HOOK2: variants seen among roughly 807,000 people sequenced by gnomAD.
HOOK2 encodes hook microtubule tethering protein 2, also known as protein Hook homolog 2.
Under a neutral mutation model 111.9 loss-of-function variants are expected in HOOK2, and 108 were observed. The observed-to-expected ratio is 0.96, with a 90% confidence interval of 0.83 to 1.13. The LOEUF is 1.13. Among genes scored for constraint, HOOK2 ranks in the 50% most tolerant of loss-of-function variants. HOOK2 has a pLI of 0.00. For synonymous variants in HOOK2, 405 were observed against 394.3 expected (o/e 1.03, Z -0.32); for missense variants, 978 against 951.3 (o/e 1.03, Z -0.37).
upstream of HOOK2, among the ~76,000 whole-genome samples, chr19:12,782,218 GCT>G (rs903627529): frequency 6.6e-6 from 1 of 152,180 alleles, no homozygotes; most frequent in African/African-American, 2.4e-5. Flanking sequence ...TATGAATATG[GCT>G]CTGTTTGCGT....
chr19:12,788,057 A>AAAAC (rs542096751), intron 3 of HOOK2, among the ~76,000 whole-genome samples: 94 of 152,272 alleles, frequency 6.2e-4, no homozygotes, highest in African/African-American at 1.7e-3. Context: ...TCCATCTCAA[A>AAAAC]AAACAAACAA....
intron 3 of HOOK2, among the ~76,000 whole-genome samples, chr19:12,789,241 C>T (rs1968683352): frequency 6.6e-6 from 1 of 151,728 alleles, no homozygotes; most frequent in Non-Finnish European, 1.5e-5. Flanking sequence ...CACTAGGCTT[C>T]TCACCTCTTG....
chr19:12,784,796 C>G (rs1004705022), intron 3 of HOOK2: 1 of 152,076 alleles, frequency 6.6e-6, no homozygotes, highest in Admixed American at 6.6e-5. Context: ...CACACACACC[C>G]CAGATCTCCA....
rs962596296 is a variant in HOOK2 at position 12,769,894 on chromosome 19, G to A, written c.1091C>T (p.Ala364Val). The A allele has an allele frequency of 2.7e-6, 4 of 1,478,978 alleles. No individual in the cohort carries two copies. Among genetic ancestry groups the A allele is most frequent in the Middle Eastern group, 2.4e-4 (1 of 4,180 alleles). 91.6% of individuals were successfully genotyped at this position (1,478,978 alleles called of 1,614,324 possible). Residue 364 changes from alanine to valine, a missense_variant, in exon 11 of 23, where the codon GCG becomes GTG. By Grantham distance (64) the Ala-to-Val change is moderately conservative. Around this residue, in one of 5 missense-constraint regions of HOOK2, gnomAD observed 388 missense variants for 358.3 expected, o/e 1.08. Coordinates refer to ENST00000397668, the MANE Select transcript of HOOK2 (RefSeq NM_013312.3). ...CCCCCGCCGCACCTGCCGCCGCTGC[G>A]CCTCCAGCTGGGCGCGCAGGGAGCC... Reference protein sequence around the residue: ...RAGSLRAQLEAQRRQVQELQG... With the variant: ...RAGSLRAQLEVQRRQVQELQG...
chr19:12,771,981 G>A, intron 7 of HOOK2: 2 of 573,006 alleles, frequency 3.5e-6, no homozygotes, highest in Non-Finnish European at 6.3e-6. Flanking sequence ...CCTGGTACAG[G>A]AAGTGGCTAG....
intron 11 of HOOK2, among the ~76,000 whole-genome samples, chr19:12,769,111 G>A (rs183719858): frequency 6.6e-6 from 1 of 151,830 alleles, no homozygotes; most frequent in Admixed American, 6.6e-5. Flanking sequence ...GACTACAGGC[G>A]CCCACCACCA....
At chr19:12,765,478 T>C (rs1489269132) in intron 18 of HOOK2, 2 of 645,116 alleles carry the variant, frequency 3.1e-6, no homozygotes, top group Non-Finnish European at 5.5e-6. Flanking sequence ...CCAGGCGCGG[T>C]GGCTCATGCC....
At chr19:12,788,994 C>A (rs917048841) in intron 3 of HOOK2, among the ~76,000 whole-genome samples, 1 of 151,778 alleles carries the variant, frequency 6.6e-6, no homozygotes, top group African/African-American at 2.4e-5. Context: ...TGCTGGACTT[C>A]CCCCTGCCCC....
chr19:12,783,312 C>CA (rs983911822), upstream of HOOK2, among the ~76,000 whole-genome samples: 4 of 150,950 alleles, frequency 2.6e-5, no homozygotes, highest in Non-Finnish European at 5.9e-5. Context: ...AGGCGCCCCC[C>CA]CCAACTCCGC....
At chr19:12,776,504 A>C (rs1257325770), upstream of HOOK2, among the ~76,000 whole-genome samples, 6 of 151,140 alleles carry the variant, frequency 4.0e-5, no homozygotes, top group African/African-American at 1.5e-4. Flanking sequence ...ACATGGTGAA[A>C]CCCCGTCTCT....
chr19:12,766,282 C>A, intron 14 of HOOK2, 42 bp from the exon 15 acceptor site: 2 of 1,495,516 alleles, frequency 1.3e-6, no homozygotes, highest in Middle Eastern at 2.4e-4. Context: ...GGTCGAGTCA[C>A]CTCGCAGGCT....
chr19:12,768,007 C>T lies in HOOK2; in HGVS notation c.1215+6G>A, dbSNP rs1349626521. On this transcript the variant is annotated splice_donor_region_variant and intron_variant, in intron 12 of 22. Coordinates refer to ENST00000397668, the MANE Select transcript of HOOK2 (RefSeq NM_013312.3). Reference sequence around the variant, plus strand: ...TGGGGCTTGGGCAGTGGAACCTCAGCCTCACCTCCTTCTCCTTTGTCACCG... The same window carrying T: ...TGGGGCTTGGGCAGTGGAACCTCAGTCTCACCTCCTTCTCCTTTGTCACCG... The T allele has an allele frequency of 1.9e-6, 3 of 1,612,986 alleles. No individual in the cohort carries two copies. Among genetic ancestry groups the T allele is most frequent in the Non-Finnish European group, 2.5e-6 (3 of 1,179,066 alleles).
In HOOK2 at chr19:12,769,913, G is replaced by A. The variant is rs530558136; in HGVS notation, c.1072C>T (p.Leu358=). 3 of 1,524,046 alleles carry A rather than the reference G, an allele frequency of 2.0e-6. No homozygotes were observed. The highest frequency in any genetic ancestry group is 2.8e-5 in the African/African-American group (2 of 70,192). The allele number at this position is 1,524,046 out of a possible 1,614,324, so 94.4% of individuals were successfully genotyped here. A position where few individuals can be genotyped will look rare whatever the true frequency, so the allele number is the denominator to read the frequency against. The change falls in exon 11 of 23, where the codon CTG becomes TTG. Residue 358 remains leucine (L), a synonymous_variant. Transcript: ENST00000397668. ...CGCTGCGCCTCCAGCTGGGCGCGCA[G>A]GGAGCCCGCTCGGCGTAGCTCATCC... is the stretch of plus-strand genomic sequence containing the variant. ...LEDELRRAGS[L]RAQLEAQRRQ...
chr19:12,775,596 C>T (rs1968481185), upstream of HOOK2: 1 of 689,226 alleles, frequency 1.5e-6, no homozygotes. Context: ...GGCCCCGCCC[C>T]GCCCCCAAGC....
Position 12,771,894 on chromosome 19 carries a change from A to G in HOOK2, c.519+296T>C, listed in dbSNP as rs568249926. 2.5e-3 allele frequency: 990 copies of G among 392,366 alleles called. 6 individuals carry two copies. The highest frequency in any genetic ancestry group is 0.018 in the African/African-American group (891 of 48,586). 24.3% of individuals were successfully genotyped at this position (392,366 alleles called of 1,614,324 possible). A position where few individuals can be genotyped will look rare whatever the true frequency, so the allele number is the denominator to read the frequency against. On this transcript the variant is annotated intron_variant, in intron 7 of 22. Transcript: ENST00000397668. Reference sequence around the variant, plus strand: ...GAGACTCCATCTCAAAAAAAAAAAAAAAAAAGAAAAAGAAAAGAAAAGAAA... The same window carrying G: ...GAGACTCCATCTCAAAAAAAAAAAAGAAAAAGAAAAAGAAAAGAAAAGAAA...
intron 3 of HOOK2, among the ~76,000 whole-genome samples, chr19:12,789,155 A>T (rs1461508469): frequency 6.6e-6 from 1 of 151,988 alleles, no homozygotes; most frequent in Admixed American, 6.6e-5. Flanking sequence ...ATCCTCCAGA[A>T]GACAGAGGCC....
rs936121755 is a variant in HOOK2 at position 12,767,568 on chromosome 19, C to T, written c.1304-104G>A. The T allele has an allele frequency of 5.6e-6, 6 of 1,069,898 alleles. No homozygotes were observed. In the East Asian group the frequency reaches 1.5e-4, roughly 27 times the overall value. 66.3% of individuals were successfully genotyped at this position (1,069,898 alleles called of 1,614,324 possible). A position where few individuals can be genotyped will look rare whatever the true frequency, so the allele number is the denominator to read the frequency against. ...CTTTTGGGGCTTCAAGTTCAGCCAACAGTCTGGCTTGACACAAGCTCCATC... is the reference window on the plus strand; with the variant it reads ...CTTTTGGGGCTTCAAGTTCAGCCAATAGTCTGGCTTGACACAAGCTCCATC... On this transcript the variant is annotated intron_variant, in intron 13 of 22. Coordinates refer to ENST00000397668, the MANE Select transcript of HOOK2 (RefSeq NM_013312.3).
At chr19:12,782,643 G>A (rs1195004599), upstream of HOOK2, among the ~76,000 whole-genome samples, 2 of 152,122 alleles carry the variant, frequency 1.3e-5, no homozygotes, top group Non-Finnish European at 2.9e-5. Context: ...GCTCTGCACT[G>A]GCTGCGTGCG....
intron 3 of HOOK2, 127 bp downstream of exon 3, chr19:12,774,542 T>TG (rs1465861301): frequency 1.1e-6 from 1 of 903,554 alleles, no homozygotes. Flanking sequence ...GATGAATGGA[T>TG]GAACAAATGG....
Sources: gnomAD v4.1 joint callset for allele counts (sites outside exome capture counted in the v4.1 genomes callset) on GRCh38, gnomAD v4.1.1 for gene constraint, gnomAD v4.1.1 regional missense constraint, MANE v1.5 for transcripts, NCBI Gene and HGNC (gene_info 2026-07-23, HGNC 2026-07-21) for gene names.